Variants in NPAS3 observed in about 807,000 individuals in gnomAD.
NPAS3 encodes neuronal PAS domain-containing protein 3.
NPAS3 carries 14 observed loss-of-function variants against 73.1 expected under a neutral mutation model. The observed-to-expected ratio is 0.19, with a 90% CI of 0.13 to 0.30. The LOEUF (loss-of-function observed/expected upper bound fraction) is 0.30, where lower values mean the gene tolerates loss of function less well. Ranked by LOEUF, NPAS3 falls within the 10% of genes least tolerant of loss-of-function variation. NPAS3 has a pLI of 1.00. For synonymous variants in NPAS3, 620 were observed against 541.5 expected (o/e 1.14, Z -2.01); for missense variants, 1,096 against 1,250.0 (o/e 0.88, Z 1.86).
intron 5 of NPAS3, among the ~76,000 whole-genome samples, chr14:33,583,944 G>A (rs929502349): frequency 2.6e-5 from 4 of 152,186 alleles, no homozygotes; most frequent in Admixed American, 2.6e-4. Flanking sequence ...TAGATAGACT[G>A]TAGGGAGCCA....
chr14:33,403,253 A>G (rs1168539386), intron 4 of NPAS3, among the ~76,000 whole-genome samples: 1 of 152,118 alleles, frequency 6.6e-6, no homozygotes, highest in East Asian at 1.9e-4. Flanking sequence ...TGCTCACAAG[A>G]AAGTTATAGA....
intron 1 of NPAS3, among the ~76,000 whole-genome samples, chr14:33,055,653 ACT>A (rs2040862181): frequency 6.6e-6 from 1 of 151,730 alleles, no homozygotes; most frequent in Non-Finnish European, 1.5e-5. Context: ...CACTTTTATG[ACT>A]CTGAGATTTA....
At chr14:33,639,978 G>T (rs937373065) in intron 5 of NPAS3, among the ~76,000 whole-genome samples, 2 of 152,106 alleles carry the variant, frequency 1.3e-5, no homozygotes, top group East Asian at 3.9e-4. Context: ...AGCACTTTGG[G>T]AGGCCGAAGT....
chr14:33,142,689 A>T (rs988600910), intron 2 of NPAS3, among the ~76,000 whole-genome samples: 1 of 152,150 alleles, frequency 6.6e-6, no homozygotes, highest in Non-Finnish European at 1.5e-5. Context: ...TTTATTGGGG[A>T]ATAGAAAGGA....
At chr14:33,381,621 G>A (rs1276550112) in intron 4 of NPAS3, among the ~76,000 whole-genome samples, 3 of 152,126 alleles carry the variant, frequency 2.0e-5, no homozygotes, top group East Asian at 1.9e-4. Flanking sequence ...GCTGGGATTC[G>A]AACCCTGAGG....
At chr14:33,117,183 A>G (rs2043095061) in intron 2 of NPAS3, among the ~76,000 whole-genome samples, 1 of 151,624 alleles carries the variant, frequency 6.6e-6, no homozygotes, top group Non-Finnish European at 1.5e-5. Flanking sequence ...CACTTCATGC[A>G]TTTATCATTT....
intron 4 of NPAS3, among the ~76,000 whole-genome samples, chr14:33,529,096 G>A (rs921792445): frequency 2.0e-5 from 3 of 152,106 alleles, no homozygotes; most frequent in Non-Finnish European, 4.4e-5. Flanking sequence ...TGGGGTAAAT[G>A]TTCTTTCGAA....
intron 2 of NPAS3, among the ~76,000 whole-genome samples, chr14:33,133,204 T>C (rs879687680): frequency 6.6e-6 from 1 of 152,108 alleles, no homozygotes; most frequent in Non-Finnish European, 1.5e-5. Context: ...TATAATAAAT[T>C]GTATTATAGG....
chr14:33,502,486 G>A (rs763998945), intron 4 of NPAS3, among the ~76,000 whole-genome samples: 1 of 151,896 alleles, frequency 6.6e-6, no homozygotes, highest in African/African-American at 2.4e-5. Flanking sequence ...TTGTGAAGTA[G>A]TCTTAGTTGT....
chr14:33,144,234 T>TA (rs777624930), intron 2 of NPAS3, among the ~76,000 whole-genome samples: 4 of 152,178 alleles, frequency 2.6e-5, no homozygotes, highest in Non-Finnish European at 5.9e-5. Flanking sequence ...TTTTAACAAA[T>TA]AAAAAAACTT....
chr14:33,102,592 G>A (rs757598786), intron 2 of NPAS3, among the ~76,000 whole-genome samples: 8 of 152,106 alleles, frequency 5.3e-5, no homozygotes, highest in Non-Finnish European at 8.8e-5. Context: ...TTGGAGTGCC[G>A]CCTAGGAATA....
At chr14:33,492,656 C>T (rs187782325) in intron 4 of NPAS3, among the ~76,000 whole-genome samples, 11 of 152,268 alleles carry the variant, frequency 7.2e-5, no homozygotes, top group Non-Finnish European at 1.0e-4. Context: ...CTCTTGGTAA[C>T]GGAAAGGACA....
At chr14:33,531,510 G>T (rs947063546) in intron 4 of NPAS3, among the ~76,000 whole-genome samples, 1 of 152,006 alleles carries the variant, frequency 6.6e-6, no homozygotes, top group Non-Finnish European at 1.5e-5. Context: ...GACTCATATC[G>T]GTAATTCCTT....
At chr14:33,550,093 C>G (rs1429978020) in intron 4 of NPAS3, among the ~76,000 whole-genome samples, 3 of 152,106 alleles carry the variant, frequency 2.0e-5, no homozygotes, top group Non-Finnish European at 2.9e-5. Flanking sequence ...CATATCTCAG[C>G]TCAGTCCTTT....
intron 4 of NPAS3, among the ~76,000 whole-genome samples, chr14:33,449,304 G>A (rs1466380582): frequency 6.6e-6 from 1 of 152,098 alleles, no homozygotes; most frequent in Non-Finnish European, 1.5e-5. Flanking sequence ...AAAGTAAGTG[G>A]ACTACATCCC....
At chr14:33,435,333 A>C (rs1465109018) in intron 4 of NPAS3, among the ~76,000 whole-genome samples, 1 of 152,134 alleles carries the variant, frequency 6.6e-6, no homozygotes, top group African/African-American at 2.4e-5. Context: ...ATTTTAATAA[A>C]ATTTTTGTAA....
intron 1 of NPAS3, among the ~76,000 whole-genome samples, chr14:32,977,326 T>C (rs2037721503): frequency 7.0e-6 from 1 of 142,690 alleles, no homozygotes. Flanking sequence ...AAGGCCGTTA[T>C]TACCTTTCTA....
intron 3 of NPAS3, among the ~76,000 whole-genome samples, chr14:33,262,086 A>G (rs1383673415): frequency 6.6e-6 from 1 of 152,212 alleles, no homozygotes; most frequent in Non-Finnish European, 1.5e-5. Flanking sequence ...GATGTATTCC[A>G]AAGATATAAG....
chr14:32,998,701 G>A (rs1468575235), intron 1 of NPAS3, among the ~76,000 whole-genome samples: 1 of 152,068 alleles, frequency 6.6e-6, no homozygotes, highest in Non-Finnish European at 1.5e-5. Context: ...TCACCCATAG[G>A]GGAATAGTTG....
Sources: gnomAD v4.1 joint callset for allele counts (sites outside exome capture counted in the v4.1 genomes callset) on GRCh38, gnomAD v4.1.1 for gene constraint, MANE v1.5 for transcripts, NCBI Gene and HGNC (gene_info 2026-07-23, HGNC 2026-07-21) for gene names.